Variants in MUSK observed in about 807,000 individuals in gnomAD.
MUSK encodes muscle, skeletal receptor tyrosine-protein kinase.
Under a neutral mutation model 88.7 loss-of-function variants are expected in MUSK, and 55 were observed. The observed-to-expected ratio is 0.62, with a 90% CI of 0.50 to 0.78. The LOEUF is 0.78. Among genes scored for constraint, MUSK ranks in the 30% least tolerant of loss-of-function variants. The pLI is 0.00. For missense variants in MUSK, 1,015 were observed against 1,074.3 expected (o/e 0.94, Z 0.77); for synonymous variants, 387 against 391.9 (o/e 0.99, Z 0.15).
At chr9:110,723,458 T>C (rs1315478312) in intron 5 of MUSK, among the ~76,000 whole-genome samples, 1 of 150,566 alleles carries the variant, frequency 6.6e-6, no homozygotes, top group Non-Finnish European at 1.5e-5. Context: ...CATTAGACTT[T>C]GGGGACTCAG....
chr9:110,701,685 C>CTTTAT lies in MUSK; in HGVS notation c.628+4223_628+4224insTTTTA, dbSNP rs2076510435. Among the ~76,000 whole-genome samples the CTTTAT allele has an allele frequency of 6.1e-4, 2 of 3,278 alleles. 1 individual carries two copies. The highest frequency in any genetic ancestry group is 1.2e-3 in the Non-Finnish European group (2 of 1,620). The allele number at this position is 3,278 out of a possible 152,430, so 2.2% of individuals were successfully genotyped here. ...TATTTATTTTATTTTATTTTTTTTA[C>CTTTAT]TTTACTTTATTTTATTTTATTTTAT... On this transcript the variant is annotated intron_variant, in intron 5 of 14. Coordinates refer to ENST00000374448, the MANE Select transcript of MUSK (RefSeq NM_005592.4).
intron 3 of MUSK, among the ~76,000 whole-genome samples, chr9:110,689,149 T>C (rs2076243365): frequency 7.8e-6 from 1 of 127,962 alleles, no homozygotes; most frequent in Admixed American, 8.4e-5. Flanking sequence ...AACTATATAT[T>C]TATATAAAAT....
In MUSK at chr9:110,785,705, G is replaced by T. The variant is rs2077845532; in HGVS notation, c.1765G>T (p.Val589Leu). 1 of 1,600,170 alleles carries T rather than the reference G, an allele frequency of 6.2e-7. No individual in the cohort carries two copies. Among genetic ancestry groups the T allele is most frequent in the Non-Finnish European group, 8.5e-7 (1 of 1,172,204 alleles). ...CATCGGAGAGGGAGCGTTTGGAAGG[G>T]TGTTTCAAGCAAGGTAAAGTTACCT... ...RDIGEGAFGRVFQARAPGLLP... is the reference protein window; with the variant it reads ...RDIGEGAFGRLFQARAPGLLP... Residue 589 changes from valine (V) to leucine (L), a missense_variant, in exon 13 of 15, where the codon GTG becomes TTG. Physicochemically the swap from Val to Leu is conservative, Grantham distance 32. Coordinates refer to ENST00000374448, the MANE Select transcript of MUSK (RefSeq NM_005592.4).
Position 110,755,951 on chromosome 9 carries a change from C to CAT in MUSK, c.914-6250_914-6249insTA, listed in dbSNP as rs1564268679. ...ATATATACATATATATATATATATA[C>CAT]ACATATATATATACATATATATATA... On this transcript the variant is annotated intron_variant, in intron 7 of 14. Coordinates refer to ENST00000374448, the MANE Select transcript of MUSK (RefSeq NM_005592.4). 4.4e-3 allele frequency among the ~76,000 whole-genome samples: 444 copies of CAT among 101,786 alleles called. 8 individuals are homozygous for CAT. Among genetic ancestry groups the CAT allele is most frequent in the Non-Finnish European group, 5.3e-3 (275 of 52,078 alleles). 66.8% of individuals were successfully genotyped at this position (101,786 alleles called of 152,430 possible). A position where few individuals can be genotyped will look rare whatever the true frequency, so the allele number is the denominator to read the frequency against.
intron 3 of MUSK, among the ~76,000 whole-genome samples, chr9:110,688,745 G>A (rs1331224510): frequency 1.3e-5 from 2 of 151,732 alleles, no homozygotes; most frequent in Non-Finnish European, 2.9e-5. Context: ...TTAGTTTACT[G>A]AGGATAATGG....
chr9:110,757,136 T>C (rs537241335), intron 7 of MUSK, among the ~76,000 whole-genome samples: 3 of 152,124 alleles, frequency 2.0e-5, no homozygotes, highest in Non-Finnish European at 4.4e-5. Flanking sequence ...CTGATGACTA[T>C]TGCATCTAAT....
chr9:110,675,675 T>C (rs1356730195), intron 1 of MUSK, among the ~76,000 whole-genome samples: 2 of 148,936 alleles, frequency 1.3e-5, no homozygotes, highest in East Asian at 4.0e-4. Context: ...GTTCAAGTGA[T>C]TCTCCTGCCT....
chr9:110,687,409 A>G, intron 3 of MUSK, 141 bp downstream of exon 3: 1 of 924,220 alleles, frequency 1.1e-6, no homozygotes, highest in Non-Finnish European at 1.6e-6. Flanking sequence ...ATCTCGGTTC[A>G]CTGCAACCTC....
chr9:110,712,149 T>A (rs1328965876), intron 5 of MUSK, among the ~76,000 whole-genome samples: 2 of 110,174 alleles, frequency 1.8e-5, no homozygotes, highest in Non-Finnish European at 3.9e-5. Context: ...CTTTAACTCA[T>A]GTTTATTCTG....
chr9:110,671,812 A>G (rs1033773317), intron 1 of MUSK, among the ~76,000 whole-genome samples: 1 of 152,220 alleles, frequency 6.6e-6, no homozygotes, highest in Non-Finnish European at 1.5e-5. Flanking sequence ...GCAATGTTAG[A>G]TTCTGCAGGA....
intron 6 of MUSK, among the ~76,000 whole-genome samples, chr9:110,741,449 A>G (rs2077097174): frequency 1.3e-5 from 2 of 152,156 alleles, no homozygotes. Context: ...ACATAAGATA[A>G]GAAAGGGAAG....
rs762500701 is a variant in MUSK, at chr9:110,747,635, T to A, written c.754-6T>A. On this transcript the variant is annotated splice_polypyrimidine_tract_variant and splice_region_variant and intron_variant, in intron 6 of 14. Coordinates refer to ENST00000374448, the MANE Select transcript of MUSK (RefSeq NM_005592.4). ...TGAGTTCTTTTATTTTCCTTTACTC[T>A]GTCAGGTTTCTTCTGGGTCCATTCA... 3.1e-6 allele frequency: 5 copies of A among 1,607,878 alleles called. No individual in the cohort carries two copies. The East Asian group carries it at 8.9e-5, about 29-fold the overall frequency.
chr9:110,691,879 G>A (rs7040569), intron 3 of MUSK, among the ~76,000 whole-genome samples: 2 of 151,832 alleles, frequency 1.3e-5, no homozygotes, highest in Non-Finnish European at 1.5e-5. Context: ...CATTTTGCTC[G>A]CATTGTTGGA....
At chr9:110,787,461 A>G (rs2077893005) in intron 13 of MUSK, among the ~76,000 whole-genome samples, 1 of 152,074 alleles carries the variant, frequency 6.6e-6, no homozygotes, top group South Asian at 2.1e-4. Flanking sequence ...CATCTTTCAA[A>G]CTTCATTGTT....
chr9:110,681,394 C>T (rs12349433), intron 1 of MUSK, among the ~76,000 whole-genome samples: 57,763 of 150,238 alleles, frequency 0.38, 12,518 homozygotes, highest in Non-Finnish European at 0.48. Context: ...TCACTGTGCT[C>T]ACCCTGGGAA....
intron 6 of MUSK, among the ~76,000 whole-genome samples, chr9:110,743,581 G>A (rs890593402): frequency 7.2e-5 from 11 of 152,130 alleles, no homozygotes; most frequent in Non-Finnish European, 1.3e-4. Context: ...TATTGTAGAA[G>A]TTGAATAATT....
At chr9:110,776,516 A>T in intron 10 of MUSK, 116 bp from the exon 11 acceptor site, 1 of 814,460 alleles carries the variant, frequency 1.2e-6, no homozygotes. Flanking sequence ...AATGTTTTCC[A>T]GTTGTATATT....
chr9:110,730,035 G>A (rs1038522432), intron 5 of MUSK, among the ~76,000 whole-genome samples: 8 of 152,072 alleles, frequency 5.3e-5, no homozygotes, highest in Admixed American at 1.3e-4. Context: ...GAGAGAGAGA[G>A]AATATAATGT....
chr9:110,786,044 G>T (rs1270362749), intron 13 of MUSK, among the ~76,000 whole-genome samples: 1 of 150,380 alleles, frequency 6.6e-6, no homozygotes, highest in Non-Finnish European at 1.5e-5. Context: ...AGGTGCGGTG[G>T]CTCGTGCCTG....
Sources: allele counts gnomAD v4.1 joint callset (sites outside exome capture counted in the v4.1 genomes callset), GRCh38; gene constraint gnomAD v4.1.1; transcripts MANE v1.5; gene names NCBI Gene and HGNC (gene_info 2026-07-23, HGNC 2026-07-21).